KDM6A: variants seen among roughly 807,000 people sequenced by gnomAD.
KDM6A encodes the protein lysine demethylase 6A.
A neutral mutation model predicts 117.6 loss-of-function variants in KDM6A; 11 were observed. The ratio of observed to expected loss-of-function variants is 0.09; its 90% CI spans 0.06 to 0.15. The LOEUF (loss-of-function observed/expected upper bound fraction) is 0.15. KDM6A is among the 10% of genes least tolerant of loss of function. KDM6A has a pLI of 1.00. For synonymous variants in KDM6A, 384 were observed against 396.1 expected (o/e 0.97, Z 0.36); for missense variants, 799 against 1,077.3 (o/e 0.74, Z 3.62).
At chrX:45,034,286 T>C (rs1423047783) in intron 6 of KDM6A, among the ~76,000 whole-genome samples, 1 of 112,078 alleles carries the variant, frequency 8.9e-6, no homozygotes, top group African/African-American at 3.2e-5. Context: ...TTATATGATA[T>C]TATTACAAGT....
At chrX:44,988,563 A>G (rs1275692822) in intron 4 of KDM6A, among the ~76,000 whole-genome samples, 1 of 110,399 alleles carries the variant, frequency 9.1e-6, no homozygotes, top group Non-Finnish European at 1.9e-5. Context: ...GTTTTTGATG[A>G]TGGTGACGTA....
intron 4 of KDM6A, among the ~76,000 whole-genome samples, chrX:45,003,728 ACTGT>A (rs2041273324): frequency 9.9e-6 from 1 of 101,501 alleles, no homozygotes; most frequent in Non-Finnish European, 2.0e-5. Context: ...TCTCTCTTTG[ACTGT>A]CTCTCTCTTT....
intron 5 of KDM6A, among the ~76,000 whole-genome samples, chrX:45,016,450 AT>A (rs1420364810): frequency 5.1e-4 from 46 of 90,657 alleles, no homozygotes; most frequent in Non-Finnish European, 8.9e-4. Flanking sequence ...TATTGATTTT[AT>A]TTTATGTATG....
chrX:44,985,994 G>T (rs879091671), intron 4 of KDM6A, among the ~76,000 whole-genome samples: 4 of 111,366 alleles, frequency 3.6e-5, no homozygotes, highest in African/African-American at 1.3e-4. Context: ...GTACCAGCTC[G>T]TCCTTGTACC....
intron 4 of KDM6A, among the ~76,000 whole-genome samples, chrX:44,992,224 T>C (rs1292045331): frequency 1.6e-4 from 12 of 75,783 alleles, no homozygotes; most frequent in African/African-American, 5.8e-4. Context: ...TTTTTTTTTT[T>C]TTTTTTTTTT....
At chrX:44,910,088 A>G (rs1336482753) in intron 2 of KDM6A, among the ~76,000 whole-genome samples, 2 of 112,502 alleles carry the variant, frequency 1.8e-5, no homozygotes, top group African/African-American at 3.2e-5. Flanking sequence ...CATATTTGTG[A>G]TGGCTTGAAG....
intron 17 of KDM6A, among the ~76,000 whole-genome samples, chrX:45,065,429 T>C (rs1173600401): frequency 1.8e-5 from 2 of 111,617 alleles, no homozygotes; most frequent in Non-Finnish European, 3.8e-5. Flanking sequence ...AACAGAGGAG[T>C]GATGTGATCT....
At chrX:45,075,819 G>A (rs1208588975) in intron 18 of KDM6A, among the ~76,000 whole-genome samples, 1 of 111,239 alleles carries the variant, frequency 9.0e-6, no homozygotes, top group Non-Finnish European at 1.9e-5. Context: ...CAGAATAATT[G>A]AAAATTTCAA....
intron 17 of KDM6A, among the ~76,000 whole-genome samples, chrX:45,068,830 C>CG (rs1285581723): frequency 7.0e-5 from 7 of 99,295 alleles, no homozygotes; most frequent in Non-Finnish European, 1.4e-4. Flanking sequence ...TTCTCTTTCC[C>CG]TTTCCCTTTC....
At chrX:44,924,986 GC>G (rs1401470549) in intron 2 of KDM6A, among the ~76,000 whole-genome samples, 2 of 111,931 alleles carry the variant, frequency 1.8e-5, no homozygotes, top group Non-Finnish European at 3.8e-5. Flanking sequence ...ACTGTGTCCA[GC>G]CAATAGTTTA....
intron 2 of KDM6A, among the ~76,000 whole-genome samples, chrX:44,887,207 A>G (rs2032966218): frequency 9.0e-6 from 1 of 111,243 alleles, no homozygotes; most frequent in African/African-American, 3.3e-5. Context: ...GACAAGAGTC[A>G]CCATGCCCAG....
Position 44,972,558 on chromosome X carries a change from G to A in KDM6A, c.335-2108G>A, listed in dbSNP as rs1192111539. On this transcript the variant is annotated intron_variant, in intron 3 of 29. Coordinates refer to ENST00000611820, the MANE Select transcript of KDM6A (RefSeq NM_001291415.2). ...AAGTAAAACTAAAGAAGAGATTTTA[G>A]CGTTATAATGTGGCTTCTGGTTCCT... Among the ~76,000 whole-genome samples, 3 of 111,575 alleles carry A rather than the reference G, an allele frequency of 2.7e-5. No homozygotes were observed. In the Admixed American group the frequency reaches 2.9e-4, roughly 11 times the overall value.
intron 2 of KDM6A, among the ~76,000 whole-genome samples, chrX:44,901,208 C>G (rs2146692409): frequency 9.0e-6 from 1 of 111,085 alleles, no homozygotes; most frequent in Admixed American, 9.6e-5. Context: ...ATGGTGAAAC[C>G]CCATTTCTAC....
intron 2 of KDM6A, among the ~76,000 whole-genome samples, chrX:44,953,013 C>G (rs1415832153): frequency 9.0e-6 from 1 of 110,990 alleles, no homozygotes; most frequent in Non-Finnish European, 1.9e-5. Flanking sequence ...AGTAATCCCC[C>G]CACCTCAGCC....
intron 2 of KDM6A, among the ~76,000 whole-genome samples, chrX:44,959,562 ATAACC>A (rs1011051574): frequency 2.7e-5 from 3 of 110,907 alleles, no homozygotes; most frequent in African/African-American, 9.8e-5. Context: ...AGGTTTATAA[ATAACC>A]TAAGAGTTTT....
At chrX:45,009,742 G>A (rs2041671568) in intron 4 of KDM6A, among the ~76,000 whole-genome samples, 1 of 111,721 alleles carries the variant, frequency 9.0e-6, no homozygotes, top group South Asian at 3.7e-4. Flanking sequence ...ATGACTCTGA[G>A]AAATGTTCCA....
chrX:44,902,411 AT>A (rs1389150095), intron 2 of KDM6A, among the ~76,000 whole-genome samples: 2 of 101,988 alleles, frequency 2.0e-5, no homozygotes, highest in African/African-American at 7.4e-5. Context: ...TTTTTTTGAG[AT>A]GAAGTCTTGC....
chrX:45,014,390 A>G (rs904692250), intron 5 of KDM6A, among the ~76,000 whole-genome samples: 4 of 111,883 alleles, frequency 3.6e-5, no homozygotes, highest in African/African-American at 1.3e-4. Flanking sequence ...CAACTGTTCC[A>G]TCCTCATTGG....
chrX:44,974,244 T>C (rs760842520), intron 3 of KDM6A, among the ~76,000 whole-genome samples: 1 of 111,561 alleles, frequency 9.0e-6, no homozygotes, highest in East Asian at 2.8e-4. Flanking sequence ...AGGGAGCCAA[T>C]TGCTTCTCAA....
Sources: gnomAD v4.1 joint callset for allele counts (sites outside exome capture counted in the v4.1 genomes callset) on GRCh38, gnomAD v4.1.1 for gene constraint, MANE v1.5 for transcripts, NCBI Gene and HGNC (gene_info 2026-07-23, HGNC 2026-07-21) for gene names.